The following RERE variants were observed in gnomAD, a reference collection of about 807,000 sequenced individuals.
The protein encoded by RERE is arginine-glutamic acid dipeptide repeats protein.
RERE carries 40 observed loss-of-function variants against 146.1 expected under a neutral mutation model. The observed-to-expected ratio is 0.27, with a 90% CI of 0.21 to 0.36. RERE has a LOEUF of 0.36. Ranked by LOEUF, RERE falls within the 10% of genes least tolerant of loss-of-function variation. The pLI is 1.00. For synonymous variants in RERE, 1,003 were observed against 866.0 expected (o/e 1.16, Z -2.78); for missense variants, 1,933 against 2,138.7 (o/e 0.90, Z 1.90).
intron 12 of RERE, among the ~76,000 whole-genome samples, chr1:8,369,063 T>TGGTGTGTGCC (rs1320311724): frequency 6.6e-6 from 1 of 152,128 alleles, no homozygotes; most frequent in Non-Finnish European, 1.5e-5. Context: ...CCCAGTGTGC[T>TGGTGTGTGCC]GGTGTGTGCC....
chr1:8,698,748 G>C (rs1459717173), intron 1 of RERE, among the ~76,000 whole-genome samples: 1 of 152,000 alleles, frequency 6.6e-6, no homozygotes, highest in Non-Finnish European at 1.5e-5. Context: ...CTGGACTCCA[G>C]AGATCGAGAT....
At chr1:8,455,177 C>T (rs1557640218) in intron 11 of RERE, among the ~76,000 whole-genome samples, 1 of 152,142 alleles carries the variant, frequency 6.6e-6, no homozygotes, top group Non-Finnish European at 1.5e-5. Flanking sequence ...CAACTCTGGG[C>T]ATCCTCCTAT....
chr1:8,738,552 C>A (rs937484), intron 1 of RERE, among the ~76,000 whole-genome samples: 2 of 152,086 alleles, frequency 1.3e-5, no homozygotes, highest in Admixed American at 6.6e-5. Flanking sequence ...CCATTCCCCA[C>A]CCCTCAAGGC....
intron 1 of RERE, among the ~76,000 whole-genome samples, chr1:8,776,744 AG>A (rs1641070493): frequency 6.6e-6 from 1 of 151,950 alleles, no homozygotes; most frequent in East Asian, 1.9e-4. Context: ...TTTTTGAGGC[AG>A]GGTGTCACTG....
chr1:8,701,205 TCA>T (rs1293030497), intron 1 of RERE, among the ~76,000 whole-genome samples: 2 of 151,826 alleles, frequency 1.3e-5, no homozygotes, highest in African/African-American at 2.4e-5. Context: ...GGGTTTACCA[TCA>T]CAGTCTTCCC....
At chr1:8,712,440 ACT>A (rs1232165789) in intron 1 of RERE, among the ~76,000 whole-genome samples, 4 of 152,100 alleles carry the variant, frequency 2.6e-5, no homozygotes, top group African/African-American at 7.2e-5. Context: ...GAGCAAGCTG[ACT>A]CTACAGTGAA....
intron 6 of RERE, among the ~76,000 whole-genome samples, chr1:8,554,385 T>C (rs1268460646): frequency 6.6e-6 from 1 of 151,886 alleles, no homozygotes; most frequent in East Asian, 1.9e-4. Context: ...CAAACCAGTG[T>C]AAGAAGTATT....
chr1:8,626,770 C>A (rs927001385), intron 2 of RERE, among the ~76,000 whole-genome samples: 1 of 152,330 alleles, frequency 6.6e-6, no homozygotes, highest in Middle Eastern at 3.4e-3. Flanking sequence ...ATAGACAGTG[C>A]TCCTGACCAA....
chr1:8,765,770 G>A (rs1263965643), intron 1 of RERE, among the ~76,000 whole-genome samples: 1 of 152,182 alleles, frequency 6.6e-6, no homozygotes, highest in Non-Finnish European at 1.5e-5. Context: ...TGGCCAACAT[G>A]GTGAAACCCC....
chr1:8,624,258 T>C (rs1646949299), intron 3 of RERE, 52 bp downstream of exon 3: 2 of 1,372,642 alleles, frequency 1.5e-6, no homozygotes, highest in East Asian at 2.3e-5. Flanking sequence ...CCAATGGAAC[T>C]GGAAAAAGAG....
intron 20 of RERE, among the ~76,000 whole-genome samples, chr1:8,357,110 C>T (rs1366327877): frequency 1.3e-5 from 2 of 152,222 alleles, no homozygotes. Context: ...TACTTTCTGC[C>T]TCTCACAACG....
At chr1:8,454,891 G>A (rs1644434180) in intron 11 of RERE, among the ~76,000 whole-genome samples, 1 of 151,806 alleles carries the variant, frequency 6.6e-6, no homozygotes. Flanking sequence ...ACTTTCTTGA[G>A]GCCACACAGG....
At chr1:8,811,312 G>A (rs1444682213) in intron 1 of RERE, among the ~76,000 whole-genome samples, 1 of 152,220 alleles carries the variant, frequency 6.6e-6, no homozygotes, top group Non-Finnish European at 1.5e-5. Flanking sequence ...AGAAGGTCAA[G>A]AATCAGACCT....
intron 11 of RERE, among the ~76,000 whole-genome samples, chr1:8,439,798 C>T (rs1395070944): frequency 4.6e-5 from 7 of 152,192 alleles, no homozygotes; most frequent in African/African-American, 9.7e-5. Flanking sequence ...GTGAGCTGGG[C>T]ACAGTGGCTC....
At chr1:8,781,842 A>G (rs1317304154) in intron 1 of RERE, among the ~76,000 whole-genome samples, 1 of 152,040 alleles carries the variant, frequency 6.6e-6, no homozygotes, top group Non-Finnish European at 1.5e-5. Flanking sequence ...CAACATCTTA[A>G]TATAAAAGAA....
intron 7 of RERE, among the ~76,000 whole-genome samples, chr1:8,539,218 C>T (rs537272324): frequency 6.6e-6 from 1 of 152,262 alleles, no homozygotes; most frequent in Admixed American, 6.5e-5. Context: ...AAGCATTTTA[C>T]AATTTACCTG....
At chr1:8,662,601 G>A (rs900939625) in intron 1 of RERE, among the ~76,000 whole-genome samples, 9 of 152,186 alleles carry the variant, frequency 5.9e-5, no homozygotes, top group African/African-American at 2.2e-4. Flanking sequence ...GAGGTGGGAG[G>A]TGGGAGGATT....
chr1:8,734,194 G>C (rs1640149472), intron 1 of RERE, among the ~76,000 whole-genome samples: 1 of 152,168 alleles, frequency 6.6e-6, no homozygotes, highest in Admixed American at 6.5e-5. Context: ...AGCTGGAGAA[G>C]TCCTGAAAAT....
At chr1:8,359,012 T>G in intron 19 of RERE, 96 bp from the exon 20 acceptor site, 1 of 1,419,172 alleles carries the variant, frequency 7.0e-7, no homozygotes, top group Non-Finnish European at 9.2e-7. Flanking sequence ...GCTCCTGGCC[T>G]GCTCTGACAG....
Sources: allele counts gnomAD v4.1 joint callset (sites outside exome capture counted in the v4.1 genomes callset), GRCh38; gene constraint gnomAD v4.1.1; transcripts MANE v1.5; gene names NCBI Gene and HGNC (gene_info 2026-07-23, HGNC 2026-07-21).